The following ADGRV1 variants were observed in gnomAD, a reference collection of about 807,000 sequenced individuals.
ADGRV1 encodes adhesion G protein-coupled receptor V1.
Under a neutral mutation model 596.2 loss-of-function variants are expected in ADGRV1, and 359 were observed. The ratio of observed to expected loss-of-function variants is 0.60; its 90% CI spans 0.55 to 0.66. The LOEUF is 0.66. ADGRV1 is among the 30% of genes least tolerant of loss of function. The pLI is 0.00. For synonymous variants in ADGRV1, 2,681 were observed against 2,679.2 expected (o/e 1.00, Z -0.02); for missense variants, 7,274 against 7,575.6 (o/e 0.96, Z 1.48).
chr5:90,797,737 CCTCAGCAAATGTGA>C (rs1322248011), intron 70 of ADGRV1, among the ~76,000 whole-genome samples: 3 of 152,132 alleles, frequency 2.0e-5, no homozygotes, highest in Non-Finnish European at 2.9e-5. Context: ...GTAAAACACA[CCTCAGCAAATGTGA>C]AAGAATGGAA....
At chr5:90,754,249 G>A (rs535645241) in intron 54 of ADGRV1, among the ~76,000 whole-genome samples, 1 of 152,228 alleles carries the variant, frequency 6.6e-6, no homozygotes, top group South Asian at 2.1e-4. Flanking sequence ...ATCCAAAATA[G>A]TAATTAGAAT....
At chr5:90,743,058 A>G (rs977773962) in intron 50 of ADGRV1, among the ~76,000 whole-genome samples, 2 of 152,202 alleles carry the variant, frequency 1.3e-5, no homozygotes, top group African/African-American at 4.8e-5. Flanking sequence ...GTTTGCTGAT[A>G]TACATTGGAA....
intron 85 of ADGRV1, among the ~76,000 whole-genome samples, chr5:91,007,166 T>C (rs1016271647): frequency 3.3e-5 from 5 of 152,188 alleles, no homozygotes; most frequent in Admixed American, 3.3e-4. Flanking sequence ...ACAAAAAATC[T>C]TCACCAGTTG....
chr5:91,021,076 C>T (rs1407260217), intron 85 of ADGRV1, among the ~76,000 whole-genome samples: 2 of 152,004 alleles, frequency 1.3e-5, no homozygotes, highest in Non-Finnish European at 2.9e-5. Flanking sequence ...TAAAGCAAAT[C>T]TTTCCATATC....
At chr5:91,010,071 T>C (rs1289720833) in intron 85 of ADGRV1, among the ~76,000 whole-genome samples, 3 of 152,118 alleles carry the variant, frequency 2.0e-5, no homozygotes, top group African/African-American at 7.2e-5. Context: ...TTCGTAAGAA[T>C]TGGCCTATGG....
chr5:90,654,036 T>C, intron 20 of ADGRV1, 84 bp downstream of exon 20: 2 of 1,369,088 alleles, frequency 1.5e-6, no homozygotes, highest in Non-Finnish European at 2.0e-6. Flanking sequence ...AAAAAAGTGC[T>C]AACATGTATT....
intron 85 of ADGRV1, among the ~76,000 whole-genome samples, chr5:91,006,892 TC>T (rs1562080117): frequency 6.6e-6 from 1 of 152,198 alleles, no homozygotes; most frequent in Non-Finnish European, 1.5e-5. Context: ...CATGTCCCTG[TC>T]ACTGTTGCCA....
chr5:91,015,104 ACTT>A (rs796698116), intron 85 of ADGRV1, among the ~76,000 whole-genome samples: 34 of 152,092 alleles, frequency 2.2e-4, no homozygotes, highest in African/African-American at 7.7e-4. Flanking sequence ...GTTTTGAAGA[ACTT>A]CTTGATTTCT....
chr5:90,891,530 GC>G (rs560665342), intron 83 of ADGRV1, among the ~76,000 whole-genome samples: 447 of 151,894 alleles, frequency 2.9e-3, no homozygotes, highest in African/African-American at 0.01. Flanking sequence ...TATATTTGGA[GC>G]ATAATAGGAG....
Position 91,150,081 on chromosome 5 carries a change from C to A in ADGRV1, c.18484C>A (p.Pro6162Thr). ...YFILHNQMCC[P>T]MKASYTVEMN... is the part of the protein sequence containing the mutation. The stretch of plus-strand genomic sequence containing the variant: ...CATTTTACACAACCAAATGTGTTGC[C>A]CTATGAAGGCCAGTTACACTGTGGA... Residue 6162 changes from proline (P) to threonine (T), a missense_variant, in exon 88 of 90, where the codon CCT becomes ACT. Physicochemically the swap from Pro to Thr is conservative, Grantham distance 38. This residue lies in a region of ADGRV1 where 1,874 missense variants were observed against 1,970.2 expected (regional missense o/e 0.95). Transcript: ENST00000405460. 1 of 1,555,998 alleles carries A rather than the reference C, an allele frequency of 6.4e-7. No homozygotes were observed. Among genetic ancestry groups the A allele is most frequent in the Non-Finnish European group, 8.7e-7 (1 of 1,150,244 alleles).
In ADGRV1 at chr5:90,690,889, A is replaced by T. The variant is rs1746380219; in HGVS notation, c.6799A>T (p.Asn2267Tyr). ...PIIRNSGTLG[N>Y]VTVQWVATIN... ...AATTCGAAATTCTGGGACACTCGGC[A>T]ATGTTACTGTTCAGTGGGTTGCCAC... Residue 2267 changes from asparagine to tyrosine, a missense_variant, in exon 31 of 90, where the codon AAT becomes TAT. Coordinates refer to ENST00000405460, the MANE Select transcript of ADGRV1 (RefSeq NM_032119.4). The T allele has an allele frequency of 6.2e-7, 1 of 1,613,536 alleles. No homozygotes were observed. The highest frequency in any genetic ancestry group is 1.3e-5 in the African/African-American group (1 of 74,902).
intron 1 of ADGRV1, among the ~76,000 whole-genome samples, chr5:90,573,331 A>G (rs1007397857): frequency 2.6e-5 from 4 of 152,154 alleles, no homozygotes; most frequent in African/African-American, 4.8e-5. Flanking sequence ...AATGATGAGG[A>G]TATCTTCTGA....
intron 85 of ADGRV1, chr5:91,031,153 A>T: frequency 7.2e-7 from 1 of 1,385,594 alleles, no homozygotes; most frequent in Non-Finnish European, 1.0e-6. Context: ...GTAAGGTATT[A>T]GAAAAATAAT....
intron 87 of ADGRV1, among the ~76,000 whole-genome samples, chr5:91,112,279 A>G (rs2126699663): frequency 6.6e-6 from 1 of 152,290 alleles, no homozygotes; most frequent in South Asian, 2.1e-4. Context: ...CTCCTTCCAA[A>G]CAGGTGCCTC....
chr5:90,982,662 C>T (rs182833542), intron 84 of ADGRV1, among the ~76,000 whole-genome samples: 1 of 152,316 alleles, frequency 6.6e-6, no homozygotes, highest in Admixed American at 6.5e-5. Flanking sequence ...CATGGCTACG[C>T]CCTTTCTATG....
At chr5:90,904,735 T>A (rs1165552826) in intron 83 of ADGRV1, among the ~76,000 whole-genome samples, 1 of 152,086 alleles carries the variant, frequency 6.6e-6, no homozygotes, top group East Asian at 1.9e-4. Context: ...AGCTTTTTAA[T>A]TTGATGTGAT....
chr5:90,672,663 G>A lies in ADGRV1; in HGVS notation c.4870G>A (p.Val1624Ile), dbSNP rs1224139611. The change falls in exon 22 of 90, where the codon GTT becomes ATT. Residue 1624 changes from valine (V) to isoleucine (I), a missense_variant. Physicochemically the swap from Val to Ile is conservative, Grantham distance 29. Transcript: ENST00000405460. ...TGAAACTGATGGCATTAATTACCTT[G>A]TTGATGACTTTGCTAATGCCAGTGG... ...QIETDGINYL[V>I]DDFANASGTI... 5.0e-6 allele frequency: 8 copies of A among 1,613,444 alleles called. No homozygotes were observed. Among genetic ancestry groups the A allele is most frequent in the Non-Finnish European group, 6.8e-6 (8 of 1,179,644 alleles).
chr5:91,058,215 A>G (rs1787073936), intron 85 of ADGRV1, among the ~76,000 whole-genome samples: 1 of 152,144 alleles, frequency 6.6e-6, no homozygotes, highest in Admixed American at 6.6e-5. Flanking sequence ...TTCACCCATC[A>G]TGCTGGAGGG....
chr5:90,922,601 A>G (rs1301527755), intron 83 of ADGRV1, among the ~76,000 whole-genome samples: 2 of 152,096 alleles, frequency 1.3e-5, no homozygotes, highest in Non-Finnish European at 2.9e-5. Flanking sequence ...TAGCTTTCCT[A>G]GATAACCTTA....
Sources: allele counts gnomAD v4.1 joint callset (sites outside exome capture counted in the v4.1 genomes callset), GRCh38; gene constraint gnomAD v4.1.1; regional missense constraint gnomAD v4.1.1; transcripts MANE v1.5; gene names NCBI Gene and HGNC (gene_info 2026-07-23, HGNC 2026-07-21).